Variants in MET observed in about 807,000 individuals in gnomAD.
MET encodes the protein hepatocyte growth factor receptor.
MET carries 48 observed loss-of-function variants against 133.1 expected under a neutral mutation model. The observed-to-expected ratio is 0.36, with a 90% confidence interval of 0.29 to 0.46. The LOEUF (loss-of-function observed/expected upper bound fraction) is 0.46, where lower values mean the gene tolerates loss of function less well. Among genes scored for constraint, MET ranks in the 20% least tolerant of loss-of-function variants. The probability of loss-of-function intolerance (pLI) is 1.00; values close to 1 mark genes in which losing one functional copy is unlikely to be tolerated. For missense variants in MET, 1,442 were observed against 1,695.9 expected (o/e 0.85, Z 2.63); for synonymous variants, 628 against 616.5 (o/e 1.02, Z -0.28).
In MET at chr7:116,783,485, T is replaced by A. The variant is rs780154942; in HGVS notation, c.3798+16T>A. The A allele has an allele frequency of 2.0e-5, 33 of 1,613,906 alleles. No individual in the cohort carries two copies. The highest frequency in any genetic ancestry group is 2.7e-5 in the Non-Finnish European group (32 of 1,179,926). On this transcript the variant is annotated intron_variant, in intron 19 of 20. Coordinates refer to ENST00000397752, the MANE Select transcript of MET (RefSeq NM_000245.4). ...GTCAGATGTGGTAATGTATTGGTTA[T>A]CTCTGAGTTTCTCCTCTTTTACTTT...
Position 116,771,396 on chromosome 7 carries a change from G to A in MET, c.2731-102G>A, listed in dbSNP as rs551898360. 21 of 1,311,716 alleles carry A rather than the reference G, an allele frequency of 1.6e-5. No individual in the cohort carries two copies. The African/African-American group carries it at 2.2e-4, about 14-fold the overall frequency. The allele number at this position is 1,311,716 out of a possible 1,614,324, so 81.3% of individuals were successfully genotyped here. On this transcript the variant is annotated intron_variant, in intron 12 of 20. Coordinates refer to ENST00000397752, the MANE Select transcript of MET (RefSeq NM_000245.4). Reference sequence around the variant, plus strand: ...AAGGCAGTTATGCCATTTGTAGAATGGTAATAACCAGTTGGTATTTGGGAC... The same window carrying A: ...AAGGCAGTTATGCCATTTGTAGAATAGTAATAACCAGTTGGTATTTGGGAC...
At chr7:116,713,162 G>A (rs1004077253) in intron 2 of MET, among the ~76,000 whole-genome samples, 5 of 152,278 alleles carry the variant, frequency 3.3e-5, no homozygotes, top group South Asian at 2.1e-4. Context: ...TTGGGAGGCC[G>A]AGGTGGGCGG....
intron 19 of MET, among the ~76,000 whole-genome samples, chr7:116,785,614 A>C (rs1484581761): frequency 1.3e-5 from 2 of 152,226 alleles, no homozygotes; most frequent in African/African-American, 2.4e-5. Flanking sequence ...ATAATTCAAC[A>C]TGAGATTTGA....
Position 116,718,928 on chromosome 7 carries a change from T to C in MET, c.1201-12740T>C, listed in dbSNP as rs1396527808. Among the ~76,000 whole-genome samples the C allele has an allele frequency of 2.2e-3, 321 of 147,588 alleles. 1 individual carries two copies. Among genetic ancestry groups the C allele is most frequent in the African/African-American group, 7.7e-3 (308 of 39,848 alleles). On this transcript the variant is annotated intron_variant, in intron 2 of 20. Transcript: ENST00000397752. ...TTGGGTTGGTTCCAAGTCTTTGCTATTGTGAATAATGTCGCAATAAACATA... is the reference window on the plus strand; with the variant it reads ...TTGGGTTGGTTCCAAGTCTTTGCTACTGTGAATAATGTCGCAATAAACATA...
intron 1 of MET, among the ~76,000 whole-genome samples, chr7:116,694,004 G>A (rs4566974): frequency 0.24 from 36,756 of 152,134 alleles, 4,538 homozygotes; most frequent in East Asian, 0.34. Context: ...AAGGTAACAT[G>A]GACAGTGATT....
chr7:116,758,672 T>C, intron 9 of MET, 52 bp downstream of exon 9: 6 of 1,578,022 alleles, frequency 3.8e-6, no homozygotes, highest in Non-Finnish European at 5.2e-6. Context: ...CAAGGATGAT[T>C]TTGCTGTAGA....
chr7:116,735,024 G>A (rs1793158523), intron 3 of MET, among the ~76,000 whole-genome samples: 2 of 152,166 alleles, frequency 1.3e-5, no homozygotes, highest in Admixed American at 1.3e-4. Context: ...TGTCAGGCCA[G>A]GGAGAGTGAG....
chr7:116,706,388 T>C lies in MET; in HGVS notation c.1200+6104T>C, dbSNP rs535919648. On this transcript the variant is annotated intron_variant, in intron 2 of 20. Coordinates refer to ENST00000397752, the MANE Select transcript of MET (RefSeq NM_000245.4). ...AAAATGAAATAAATCTTAAAGTTGA[T>C]TTTTGTAAAGCCCAAATGTTAATTA... Among the ~76,000 whole-genome samples the C allele has an allele frequency of 3.9e-5, 6 of 152,222 alleles. No homozygotes were observed. The East Asian group carries it at 9.6e-4, about 24-fold the overall frequency.
chr7:116,759,218 A>G, intron 9 of MET, 173 bp from the exon 10 acceptor site: 3 of 897,122 alleles, frequency 3.3e-6, no homozygotes, highest in Non-Finnish European at 5.0e-6. Flanking sequence ...TTTTAAAAAT[A>G]TTTTCAAGTT....
At chr7:116,687,428 G>A (rs538182014) in intron 1 of MET, among the ~76,000 whole-genome samples, 3 of 152,160 alleles carry the variant, frequency 2.0e-5, no homozygotes, top group South Asian at 4.1e-4. Flanking sequence ...GTTTTGTTTG[G>A]TTCTTTATTT....
intron 14 of MET, 129 bp from the exon 15 acceptor site, chr7:116,774,752 A>G: frequency 1.4e-6 from 1 of 720,792 alleles, no homozygotes; most frequent in Admixed American, 2.2e-5. Context: ...TGTATATATA[A>G]CTTAGTATCT....
At chr7:116,791,812 G>A (rs984303861) in intron 19 of MET, among the ~76,000 whole-genome samples, 10 of 152,094 alleles carry the variant, frequency 6.6e-5, no homozygotes, top group African/African-American at 2.4e-4. Context: ...TTGCAGGCAT[G>A]AGCCACCATG....
intron 2 of MET, among the ~76,000 whole-genome samples, chr7:116,710,794 A>T: frequency 6.6e-6 from 1 of 152,214 alleles, no homozygotes; most frequent in East Asian, 1.9e-4. Flanking sequence ...TGGTGATAAG[A>T]TAACAATCCA....
chr7:116,723,735 C>T (rs1300547026), intron 2 of MET, among the ~76,000 whole-genome samples: 2 of 152,080 alleles, frequency 1.3e-5, no homozygotes, highest in African/African-American at 4.8e-5. Flanking sequence ...TGTTGGAGTA[C>T]CCTGCCGTGT....
At chr7:116,728,457 C>CA (rs1174413040) in intron 2 of MET, among the ~76,000 whole-genome samples, 1 of 152,204 alleles carries the variant, frequency 6.6e-6, no homozygotes, top group Non-Finnish European at 1.5e-5. Flanking sequence ...TTACGCCTTA[C>CA]ATGTGTGCAA....
chr7:116,728,834 C>G (rs150624732), intron 2 of MET, among the ~76,000 whole-genome samples: 1 of 152,150 alleles, frequency 6.6e-6, no homozygotes, highest in Non-Finnish European at 1.5e-5. Flanking sequence ...GTTTTTATAT[C>G]CCAGTGAATC....
At chr7:116,737,175 C>T (rs1793247207) in intron 3 of MET, among the ~76,000 whole-genome samples, 1 of 152,150 alleles carries the variant, frequency 6.6e-6, no homozygotes, top group Non-Finnish European at 1.5e-5. Context: ...CTCCATGTGC[C>T]TTCCTGTCTT....
intron 2 of MET, among the ~76,000 whole-genome samples, chr7:116,728,849 A>G (rs377523653): frequency 2.0e-5 from 3 of 152,194 alleles, no homozygotes; most frequent in South Asian, 2.1e-4. Flanking sequence ...TGAATCCATT[A>G]TGTCTCTGGC....
intron 3 of MET, among the ~76,000 whole-genome samples, chr7:116,739,683 G>A (rs1449149070): frequency 6.6e-6 from 1 of 152,166 alleles, no homozygotes; most frequent in African/African-American, 2.4e-5. Context: ...TTGTCTGTAT[G>A]TGCTGCCAAT....
Sources: gnomAD v4.1 joint callset for allele counts (sites outside exome capture counted in the v4.1 genomes callset) on GRCh38, gnomAD v4.1.1 for gene constraint, MANE v1.5 for transcripts, NCBI Gene and HGNC (gene_info 2026-07-23, HGNC 2026-07-21) for gene names.